Variants in ITGA9 observed in about 807,000 individuals in gnomAD.
ITGA9 encodes the protein integrin subunit alpha 9.
A neutral mutation model predicts 127.8 loss-of-function variants in ITGA9; 56 were observed. That is an observed-to-expected ratio of 0.44 (90% CI 0.35 to 0.55). The LOEUF (loss-of-function observed/expected upper bound fraction) is 0.55, where lower values mean the gene tolerates loss of function less well. Ranked by LOEUF, ITGA9 falls within the 20% of genes least tolerant of loss-of-function variation. The pLI is 0.00. For synonymous variants in ITGA9, 508 were observed against 514.5 expected (o/e 0.99, Z 0.17); for missense variants, 1,196 against 1,347.1 (o/e 0.89, Z 1.76).
chr3:37,628,983 C>T (rs1700202854), intron 15 of ITGA9, among the ~76,000 whole-genome samples: 1 of 152,148 alleles, frequency 6.6e-6, no homozygotes, highest in East Asian at 1.9e-4. Context: ...CACCCATCAA[C>T]AGAATGACCT....
intron 23 of ITGA9, among the ~76,000 whole-genome samples, chr3:37,765,652 A>G (rs1268006348): frequency 6.6e-6 from 1 of 152,132 alleles, no homozygotes; most frequent in Non-Finnish European, 1.5e-5. Context: ...GGTTAATTTG[A>G]GCTTGGCTAG....
intron 15 of ITGA9, among the ~76,000 whole-genome samples, chr3:37,585,966 G>A (rs970195380): frequency 6.6e-6 from 1 of 152,232 alleles, no homozygotes; most frequent in Non-Finnish European, 1.5e-5. Flanking sequence ...GGGAAGCACT[G>A]GGCTCTGCTT....
chr3:37,569,994 T>C (rs1020980671), intron 15 of ITGA9, among the ~76,000 whole-genome samples: 6 of 152,264 alleles, frequency 3.9e-5, no homozygotes, highest in African/African-American at 1.4e-4. Context: ...TGCATATCAT[T>C]GAATAATGTT....
intron 17 of ITGA9, among the ~76,000 whole-genome samples, chr3:37,666,267 A>T (rs867040578): frequency 1.2e-4 from 19 of 152,198 alleles, no homozygotes; most frequent in African/African-American, 4.1e-4. Context: ...CAAATAATTG[A>T]GTGAGCAGTG....
chr3:37,494,674 C>G (rs895018562), intron 5 of ITGA9, 106 bp downstream of exon 5: 15 of 895,550 alleles, frequency 1.7e-5, no homozygotes, highest in Non-Finnish European at 2.8e-5. Context: ...GTCCCAGATA[C>G]TTGAGCCTCG....
intron 23 of ITGA9, among the ~76,000 whole-genome samples, chr3:37,775,645 CAAAA>C (rs34276307): frequency 1.6e-5 from 2 of 125,674 alleles, no homozygotes. Flanking sequence ...GACTCCATCT[CAAAA>C]AAAAAAAAAA....
In ITGA9 at chr3:37,452,907, G is replaced by A. The variant is rs923495519; in HGVS notation, c.185+348G>A. Among the ~76,000 whole-genome samples, 4 of 152,146 alleles carry A rather than the reference G, an allele frequency of 2.6e-5. No homozygotes were observed. Among genetic ancestry groups the A allele is most frequent in the Admixed American group, 1.3e-4 (2 of 15,286 alleles). On this transcript the variant is annotated intron_variant, in intron 1 of 27. Coordinates refer to ENST00000264741, the MANE Select transcript of ITGA9 (RefSeq NM_002207.3). The surrounding 1 kb of genome is among the most constrained non-coding windows in gnomAD (Gnocchi z 7.3). The stretch of plus-strand genomic sequence containing the variant: ...AATCGAAAAGTAACTTGGCTCCTCT[G>A]CCTCCGGGCGGCCGCCGCTGGCCCA...
intron 14 of ITGA9, among the ~76,000 whole-genome samples, chr3:37,534,595 G>A (rs1699190223): frequency 6.6e-6 from 1 of 152,174 alleles, no homozygotes; most frequent in Admixed American, 6.5e-5. Flanking sequence ...ATCCTTCTTG[G>A]CTGTCTCATT....
rs1697529415 is a variant in ITGA9 at position 37,822,783 on chromosome 3, A to C, written c.*3794A>C. On this transcript the variant is annotated 3_prime_UTR_variant, in exon 28 of 28. Coordinates refer to ENST00000264741, the MANE Select transcript of ITGA9 (RefSeq NM_002207.3). ...ATGGTGGCTTTTTAAAAGGTTATTT[A>C]TGACTTTTATTTTTGGGTAAGGCAT... 6.6e-6 allele frequency: 1 copy of C among 152,318 alleles called. No individual in the cohort carries two copies. The highest frequency in any genetic ancestry group is 6.5e-5 in the Admixed American group (1 of 15,290). The allele number at this position is 152,318 out of a possible 1,614,324, so 9.4% of individuals were successfully genotyped here.
rs555273161 is a variant in ITGA9 at position 37,729,486 on chromosome 3, A to G, written c.2068-3226A>G. 5.3e-5 allele frequency among the ~76,000 whole-genome samples: 8 copies of G among 152,286 alleles called. No individual in the cohort carries two copies. In the South Asian group the frequency reaches 1.7e-3, roughly 32 times the overall value. On this transcript the variant is annotated intron_variant, in intron 18 of 27. Coordinates refer to ENST00000264741, the MANE Select transcript of ITGA9 (RefSeq NM_002207.3). ...GGTGGAAGAGAGACCAGAAATAGTT[A>G]AATAAATGCTGATATAAATGTTACG...
At chr3:37,748,100 A>G in intron 22 of ITGA9, 1 of 464,084 alleles carries the variant, frequency 2.2e-6, no homozygotes, top group South Asian at 1.6e-5. Context: ...ATCTTCCAGT[A>G]ATTCGCCAAA....
chr3:37,816,772 C>T (rs1331525051), intron 27 of ITGA9, among the ~76,000 whole-genome samples: 1 of 152,198 alleles, frequency 6.6e-6, no homozygotes. Flanking sequence ...ACCTCCAGGG[C>T]TGAAATCACC....
intron 15 of ITGA9, among the ~76,000 whole-genome samples, chr3:37,614,904 T>C (rs1400246251): frequency 6.6e-6 from 1 of 152,240 alleles, no homozygotes; most frequent in Admixed American, 6.5e-5. Flanking sequence ...AATCATGTCA[T>C]CTGCAAACAG....
chr3:37,542,528 G>A lies in ITGA9; in HGVS notation c.1632G>A (p.Glu544=), dbSNP rs776818753. The A allele has an allele frequency of 1.9e-5, 30 of 1,614,064 alleles. No individual in the cohort carries two copies. The highest frequency in any genetic ancestry group is 2.5e-5 in the Non-Finnish European group (30 of 1,180,044). The part of the protein sequence containing the change: ...LLGETMGQVT[E]KLQLTYMEET... Reference sequence around the variant, plus strand: ...GAGAGACCATGGGTCAGGTCACAGAGAAGCTGCAGCTGACTTACATGGAGG... The same window carrying A: ...GAGAGACCATGGGTCAGGTCACAGAAAAGCTGCAGCTGACTTACATGGAGG... Residue 544 remains glutamate (E), a synonymous_variant, in exon 15 of 28, where the codon GAG becomes GAA. Coordinates refer to ENST00000264741, the MANE Select transcript of ITGA9 (RefSeq NM_002207.3).
At chr3:37,618,308 A>AT (rs1700094846) in intron 15 of ITGA9, among the ~76,000 whole-genome samples, 3 of 152,164 alleles carry the variant, frequency 2.0e-5, no homozygotes, top group Admixed American at 2.0e-4. Context: ...TAGCTGCCTG[A>AT]TCATTCCTCT....
At position 37,698,186 on chromosome 3, in the gene ITGA9, G is replaced by A. The variant is rs182421318; in HGVS notation, c.2067+14171G>A. Among the ~76,000 whole-genome samples, 323 of 151,988 alleles carry A rather than the reference G, an allele frequency of 2.1e-3. 1 individual carries two copies. Among genetic ancestry groups the A allele is most frequent in the African/African-American group, 7.5e-3 (311 of 41,436 alleles). ...TGCCCACTTTTGGATGGCATTGTTT[G>A]TTTTTTTTCTTGTACATTTGTTTAA... On this transcript the variant is annotated intron_variant, in intron 18 of 27. Coordinates refer to ENST00000264741, the MANE Select transcript of ITGA9 (RefSeq NM_002207.3).
At chr3:37,490,447 A>G (rs1358329844) in intron 4 of ITGA9, among the ~76,000 whole-genome samples, 4 of 152,234 alleles carry the variant, frequency 2.6e-5, no homozygotes, top group Non-Finnish European at 5.9e-5. Flanking sequence ...GAGCTAAGCT[A>G]AGGAACTACA....
intron 16 of ITGA9, among the ~76,000 whole-genome samples, chr3:37,640,684 A>C (rs1439280494): frequency 6.6e-6 from 1 of 152,190 alleles, no homozygotes; most frequent in Non-Finnish European, 1.5e-5. Context: ...AATAATAGAC[A>C]CACAATACAG....
At chr3:37,732,269 T>C (rs150366997) in intron 18 of ITGA9, among the ~76,000 whole-genome samples, 1 of 152,248 alleles carries the variant, frequency 6.6e-6, no homozygotes, top group East Asian at 1.9e-4. Context: ...CTTCAGGCTT[T>C]AGGAAGAAAC....
Sources: allele counts gnomAD v4.1 joint callset (sites outside exome capture counted in the v4.1 genomes callset), GRCh38; gene constraint gnomAD v4.1.1; non-coding constraint Gnocchi (gnomAD v3.1); transcripts MANE v1.5; gene names NCBI Gene and HGNC (gene_info 2026-07-23, HGNC 2026-07-21).